ARHGAP18: variants seen among roughly 807,000 people sequenced by gnomAD.
ARHGAP18 encodes the protein Rho GTPase activating protein 18.
A neutral mutation model predicts 86.2 loss-of-function variants in ARHGAP18; 67 were observed. That is an observed-to-expected ratio of 0.78 (90% CI 0.64 to 0.95). The LOEUF is 0.95. Among genes scored for constraint, ARHGAP18 ranks in the 40% least tolerant of loss-of-function variants. The pLI is 0.00. For synonymous variants in ARHGAP18, 283 were observed against 280.4 expected (o/e 1.01, Z -0.09); for missense variants, 691 against 780.4 (o/e 0.89, Z 1.37).
intron 12 of ARHGAP18, among the ~76,000 whole-genome samples, chr6:129,592,809 T>G (rs1309626128): frequency 6.6e-6 from 1 of 152,156 alleles, no homozygotes; most frequent in African/African-American, 2.4e-5. Flanking sequence ...AGCTGCCCCC[T>G]ACATTCTTAG....
intron 5 of ARHGAP18, among the ~76,000 whole-genome samples, chr6:129,624,873 A>C (rs897280706): frequency 2.0e-5 from 3 of 148,676 alleles, no homozygotes; most frequent in Non-Finnish European, 4.4e-5. Context: ...TGTATCCAGG[A>C]GGCGGAGGTT....
At chr6:129,698,596 G>A (rs1353120568) in intron 1 of ARHGAP18, among the ~76,000 whole-genome samples, 2 of 150,556 alleles carry the variant, frequency 1.3e-5, no homozygotes, top group Non-Finnish European at 2.9e-5. Context: ...AGGCTGGAGT[G>A]CAGTAACGAG....
At chr6:129,638,063 T>C (rs1383455472) in intron 3 of ARHGAP18, among the ~76,000 whole-genome samples, 3 of 152,222 alleles carry the variant, frequency 2.0e-5, no homozygotes, top group Non-Finnish European at 2.9e-5. Context: ...CCTACTTTTC[T>C]CTAAGTAACT....
chr6:129,705,416 A>G (rs1163878186), intron 1 of ARHGAP18, among the ~76,000 whole-genome samples: 1 of 152,152 alleles, frequency 6.6e-6, no homozygotes, highest in African/African-American at 2.4e-5. Context: ...TAGAGTCAAT[A>G]TTTGCAGACC....
Position 129,697,455 on chromosome 6 carries a change from T to TC in ARHGAP18, c.113+12568_113+12569insG, listed in dbSNP as rs1302073721. Among the ~76,000 whole-genome samples the TC allele has an allele frequency of 5.3e-5, 8 of 151,904 alleles. 1 individual carries two copies. In the South Asian group the frequency reaches 8.3e-4, roughly 16 times the overall value. The stretch of plus-strand genomic sequence containing the variant: ...CCTGCAGATGGGATTTTTTTTTTTT[T>TC]TTAGTCAGTATTTTGGAAATTCTAG... On this transcript the variant is annotated intron_variant, in intron 1 of 14. Transcript: ENST00000368149.
At chr6:129,645,677 G>A (rs548488792) in intron 1 of ARHGAP18, among the ~76,000 whole-genome samples, 1 of 152,268 alleles carries the variant, frequency 6.6e-6, no homozygotes, top group African/African-American at 2.4e-5. Context: ...AAAGGAAGTT[G>A]CCAGAGTTGC....
At position 129,667,469 on chromosome 6, in the gene ARHGAP18, ATGTGTGTG is replaced by A. The variant is rs376500003; in HGVS notation, c.114-25459_114-25452del. On this transcript the variant is annotated intron_variant, in intron 1 of 14. Coordinates refer to ENST00000368149, the MANE Select transcript of ARHGAP18 (RefSeq NM_033515.3). Reference sequence around the variant, plus strand: ...GGTCTATATCAAAAGAAAAATATATATGTGTGTGTGTGTGTGTGTGTGTGTGTGTGTGT... The same window carrying A: ...GGTCTATATCAAAAGAAAAATATATATGTGTGTGTGTGTGTGTGTGTGTGT... 3.9e-4 allele frequency among the ~76,000 whole-genome samples: 41 copies of A among 104,232 alleles called. 1 individual carries two copies. The highest frequency in any genetic ancestry group is 8.5e-4 in the African/African-American group (23 of 26,934). 68.4% of individuals were successfully genotyped at this position (104,232 alleles called of 152,430 possible). A position where few individuals can be genotyped will look rare whatever the true frequency, so the allele number is the denominator to read the frequency against.
At chr6:129,603,353 ATGGTG>A (rs1270711378) in intron 10 of ARHGAP18, among the ~76,000 whole-genome samples, 1 of 152,104 alleles carries the variant, frequency 6.6e-6, no homozygotes, top group Non-Finnish European at 1.5e-5. Flanking sequence ...GTAGTATTAC[ATGGTG>A]TATGTGTGTA....
chr6:129,624,637 C>T lies in ARHGAP18; in HGVS notation c.786+4716G>A, dbSNP rs75702645. ...TTTTACTTTTCCCATTAGGTATAAA[C>T]ACAGATTTTCAAAAATATACAAGAA... On this transcript the variant is annotated intron_variant, in intron 5 of 14. Coordinates refer to ENST00000368149, the MANE Select transcript of ARHGAP18 (RefSeq NM_033515.3). Among the ~76,000 whole-genome samples the T allele has an allele frequency of 6.8e-3, 1,034 of 151,256 alleles. 10 individuals are homozygous for T. The highest frequency in any genetic ancestry group is 0.023 in the African/African-American group (961 of 41,218).
intron 1 of ARHGAP18, among the ~76,000 whole-genome samples, chr6:129,681,024 T>TTG (rs1158554364): frequency 6.6e-6 from 1 of 152,174 alleles, no homozygotes; most frequent in East Asian, 1.9e-4. Context: ...ACATGGAGAA[T>TTG]TGCTGCCATT....
intron 7 of ARHGAP18, among the ~76,000 whole-genome samples, chr6:129,612,204 G>T (rs1232370861): frequency 6.6e-6 from 1 of 152,028 alleles, no homozygotes; most frequent in Non-Finnish European, 1.5e-5. Flanking sequence ...TTTTAAAAAG[G>T]CAGAAACCCG....
chr6:129,705,533 A>T lies in ARHGAP18; in HGVS notation c.113+4491T>A, dbSNP rs558979504. Among the ~76,000 whole-genome samples, 7 of 152,350 alleles carry T rather than the reference A, an allele frequency of 4.6e-5. No homozygotes were observed. In the South Asian group the frequency reaches 1.5e-3, roughly 32 times the overall value. ...AGGATGATATTTCCAAGGTCTTTCA[A>T]ACTTCAAAGGCCTAAACTTTTACAT... On this transcript the variant is annotated intron_variant, in intron 1 of 14. Transcript: ENST00000368149.
intron 1 of ARHGAP18, among the ~76,000 whole-genome samples, chr6:129,663,501 G>A (rs1188148580): frequency 6.6e-6 from 1 of 152,112 alleles, no homozygotes; most frequent in Non-Finnish European, 1.5e-5. Flanking sequence ...GAATATGGCA[G>A]AACAGAAAAA....
intron 12 of ARHGAP18, among the ~76,000 whole-genome samples, chr6:129,588,355 A>C (rs969205838): frequency 6.6e-6 from 1 of 152,178 alleles, no homozygotes; most frequent in East Asian, 1.9e-4. Flanking sequence ...ACCTCAAGTG[A>C]TCCACCCGCC....
chr6:129,654,408 T>C (rs1334701718), intron 1 of ARHGAP18, among the ~76,000 whole-genome samples: 3 of 152,234 alleles, frequency 2.0e-5, no homozygotes, highest in Non-Finnish European at 2.9e-5. Flanking sequence ...GCTTAATTTC[T>C]GTCCTGATCC....
rs768117061 is a variant in ARHGAP18 at position 129,641,815 on chromosome 6, C to T, written c.316+1G>A. 1 of 1,611,202 alleles carries T rather than the reference C, an allele frequency of 6.2e-7. No homozygotes were observed. Among genetic ancestry groups the T allele is most frequent in the Non-Finnish European group, 8.5e-7 (1 of 1,178,214 alleles). ...AAAAGCTTTATTTAGTTAGTTATTA[C>T]CATCAGGCTCTTTGACAACAACCAC... On this transcript the variant is annotated splice_donor_variant, in intron 2 of 14. Transcript: ENST00000368149. LOFTEE classifies it high-confidence loss of function.
intron 1 of ARHGAP18, among the ~76,000 whole-genome samples, chr6:129,696,740 C>T (rs1306719438): frequency 1.3e-5 from 2 of 151,944 alleles, no homozygotes; most frequent in Non-Finnish European, 2.9e-5. Flanking sequence ...ACATAGGATA[C>T]GCATTTATAT....
chr6:129,677,818 C>T (rs1774262436), intron 1 of ARHGAP18, among the ~76,000 whole-genome samples: 1 of 152,202 alleles, frequency 6.6e-6, no homozygotes, highest in Admixed American at 6.5e-5. Flanking sequence ...TTCTTCCTAT[C>T]ATCATTTTTC....
intron 1 of ARHGAP18, among the ~76,000 whole-genome samples, chr6:129,649,959 C>T (rs1773673231): frequency 7.0e-6 from 1 of 143,424 alleles, no homozygotes; most frequent in Admixed American, 7.3e-5. Flanking sequence ...GTTGTCCAGG[C>T]TGTAGTGCAA....
Sources: gnomAD v4.1 joint callset for allele counts (sites outside exome capture counted in the v4.1 genomes callset) on GRCh38, gnomAD v4.1.1 for gene constraint, MANE v1.5 for transcripts, NCBI Gene and HGNC (gene_info 2026-07-23, HGNC 2026-07-21) for gene names.